The following GPHN variants were observed in gnomAD, a reference collection of about 807,000 sequenced individuals.
GPHN encodes gephyrin.
Under a neutral mutation model 95.5 loss-of-function variants are expected in GPHN, and 17 were observed. That is an observed-to-expected ratio of 0.18 (90% confidence interval 0.12 to 0.27). The LOEUF (loss-of-function observed/expected upper bound fraction) is 0.27, where lower values mean the gene tolerates loss of function less well. GPHN is among the 10% of genes least tolerant of loss of function. The pLI is 1.00. For missense variants in GPHN, 660 were observed against 978.1 expected (o/e 0.67, Z 4.34); for synonymous variants, 320 against 322.5 (o/e 0.99, Z 0.08).
the GPHN span, among the ~76,000 whole-genome samples, chr14:67,422,968 A>G: frequency 6.6e-6 from 1 of 151,376 alleles, no homozygotes. Flanking sequence ...AGTAGCTGGG[A>G]TTACAGGCAT....
chr14:67,036,500 T>TACACACACACACACAC (rs2074427603), intron 10 of GPHN, among the ~76,000 whole-genome samples: 1 of 59,134 alleles, frequency 1.7e-5, no homozygotes, highest in East Asian at 6.9e-4. Context: ...TATACATACA[T>TACACACACACACACAC]GCACACACAC....
the GPHN span, chr14:67,570,041 G>T: frequency 4.9e-5 from 69 of 1,420,908 alleles, no homozygotes; most frequent in Non-Finnish European, 6.6e-5. Flanking sequence ...AAGAGGGGGT[G>T]TCTCATCAGG....
At chr14:67,580,989 G>T in the GPHN span, 1 of 1,613,560 alleles carries the variant, frequency 6.2e-7, no homozygotes, top group South Asian at 1.1e-5. Context: ...GCTGCACCCC[G>T]GAAAGTCTGA....
intron 8 of GPHN, among the ~76,000 whole-genome samples, chr14:66,962,240 T>A (rs1168750305): frequency 6.6e-6 from 1 of 151,516 alleles, no homozygotes; most frequent in Non-Finnish European, 1.5e-5. Flanking sequence ...TATTCTTCTA[T>A]GTTCTTCATC....
At chr14:66,546,483 C>G (rs76195820) in intron 1 of GPHN, among the ~76,000 whole-genome samples, 1 of 152,264 alleles carries the variant, frequency 6.6e-6, no homozygotes, top group South Asian at 2.1e-4. Flanking sequence ...TGGGCAACAT[C>G]GAGCACTGAG....
At chr14:67,302,344 A>G in the GPHN span, 6 of 1,239,298 alleles carry the variant, frequency 4.8e-6, no homozygotes, top group Non-Finnish European at 5.3e-6. Context: ...AATAGAATTT[A>G]AAAATAAATG....
the GPHN span, chr14:67,392,584 T>G: frequency 7.3e-7 from 1 of 1,367,542 alleles, no homozygotes; most frequent in Non-Finnish European, 1.0e-6. Flanking sequence ...CCCATGACTG[T>G]GGCCCCCAGG....
At chr14:67,059,457 A>C (rs1331911207) in intron 11 of GPHN, among the ~76,000 whole-genome samples, 2 of 152,216 alleles carry the variant, frequency 1.3e-5, no homozygotes, top group East Asian at 3.8e-4. Context: ...ATTTGAATAA[A>C]ATATAGTTTC....
At chr14:66,808,096 G>A (rs889388927) in intron 3 of GPHN, among the ~76,000 whole-genome samples, 18 of 152,164 alleles carry the variant, frequency 1.2e-4, no homozygotes, top group Admixed American at 1.0e-3. Context: ...AATAGTGACA[G>A]CAAAATATGT....
At chr14:67,419,583 C>T in the GPHN span, among the ~76,000 whole-genome samples, 1 of 152,122 alleles carries the variant, frequency 6.6e-6, no homozygotes, top group Non-Finnish European at 1.5e-5. Context: ...TGCATCCAGG[C>T]GGGGGGCGGT....
chr14:67,439,960 T>G, the GPHN span, among the ~76,000 whole-genome samples: 1 of 152,144 alleles, frequency 6.6e-6, no homozygotes, highest in African/African-American at 2.4e-5. Context: ...TACCTCAGCC[T>G]CCTGAGTAGC....
chr14:66,797,490 CTCTT>C lies in GPHN; in HGVS notation c.201+20971_201+20974del, dbSNP rs573139353. ...CATGGAATATGTTTATATTTTTTATCTCTTTATTTTATTAGTGTATCATAGTTTT... is the reference window on the plus strand; with the variant it reads ...CATGGAATATGTTTATATTTTTTATCTATTTTATTAGTGTATCATAGTTTT... On this transcript the variant is annotated intron_variant, in intron 3 of 22. Transcript: ENST00000478722. Among the ~76,000 whole-genome samples, 34 of 151,722 alleles carry C rather than the reference CTCTT, an allele frequency of 2.2e-4. 1 individual carries two copies. The highest frequency in any genetic ancestry group is 6.5e-4 in the African/African-American group (27 of 41,522).
chr14:66,555,484 C>G (rs1371617664), intron 1 of GPHN, among the ~76,000 whole-genome samples: 1 of 151,838 alleles, frequency 6.6e-6, no homozygotes, highest in Non-Finnish European at 1.5e-5. Flanking sequence ...TGAATGTGTC[C>G]TATGATTGCC....
chr14:67,639,668 C>T, the GPHN span, among the ~76,000 whole-genome samples: 1 of 152,072 alleles, frequency 6.6e-6, no homozygotes, highest in African/African-American at 2.4e-5. Flanking sequence ...TGCCTGTAAT[C>T]CCAGCACTTT....
Position 66,603,378 on chromosome 14 carries a change from G to A in GPHN, c.65-77729G>A, listed in dbSNP as rs538916117. Among the ~76,000 whole-genome samples, 10 of 151,760 alleles carry A rather than the reference G, an allele frequency of 6.6e-5. 1 individual carries two copies. The highest frequency in any genetic ancestry group is 1.9e-4 in the East Asian group (1 of 5,174). On this transcript the variant is annotated intron_variant, in intron 1 of 22. Coordinates refer to ENST00000478722, the MANE Select transcript of GPHN (RefSeq NM_020806.5). The stretch of plus-strand genomic sequence containing the variant: ...TATTTTACAAACTTTGAATCATACC[G>A]TACGAACACTTTTGTTCCTTGCTTT...
chr14:66,702,973 A>C (rs1276861221), intron 2 of GPHN, among the ~76,000 whole-genome samples: 1 of 152,240 alleles, frequency 6.6e-6, no homozygotes, highest in Non-Finnish European at 1.5e-5. Flanking sequence ...GCTAAAAAAC[A>C]CAGCATGAGA....
the GPHN span, among the ~76,000 whole-genome samples, chr14:67,406,321 T>C: frequency 1.3e-5 from 2 of 151,638 alleles, no homozygotes; most frequent in East Asian, 3.9e-4. Flanking sequence ...ATAATTAATA[T>C]AGGGCATGAT....
intron 4 of GPHN, among the ~76,000 whole-genome samples, chr14:66,837,920 A>G (rs2153505681): frequency 6.6e-6 from 1 of 152,248 alleles, no homozygotes; most frequent in East Asian, 1.9e-4. Context: ...AAATAAACAT[A>G]CAAGCAAGTG....
chr14:67,560,511 A>G, the GPHN span, among the ~76,000 whole-genome samples: 1 of 152,264 alleles, frequency 6.6e-6, no homozygotes, highest in African/African-American at 2.4e-5. Flanking sequence ...TGTACCTGCT[A>G]AACACTAACT....
Sources: gnomAD v4.1 joint callset for allele counts (sites outside exome capture counted in the v4.1 genomes callset) on GRCh38, gnomAD v4.1.1 for gene constraint, MANE v1.5 for transcripts, NCBI Gene and HGNC (gene_info 2026-07-23, HGNC 2026-07-21) for gene names.